The following NBAS variants were observed in gnomAD, a reference collection of about 807,000 sequenced individuals.
NBAS encodes NBAS subunit of NRZ tethering complex.
NBAS carries 219 observed loss-of-function variants against 302.5 expected under a neutral mutation model. The ratio of observed to expected loss-of-function variants is 0.72; its 90% CI spans 0.65 to 0.81. The LOEUF (loss-of-function observed/expected upper bound fraction) is 0.81, where lower values mean the gene tolerates loss of function less well. NBAS is among the 30% of genes least tolerant of loss of function. The pLI is 0.00. For synonymous variants in NBAS, 1,118 were observed against 1,021.6 expected (o/e 1.09, Z -1.80); for missense variants, 2,932 against 2,841.6 (o/e 1.03, Z -0.72).
At chr2:15,094,977 T>C in the NBAS span, among the ~76,000 whole-genome samples, 1 of 152,174 alleles carries the variant, frequency 6.6e-6, no homozygotes, top group African/African-American at 2.4e-5. Flanking sequence ...AAAAGTAACA[T>C]GTATGCCCCA....
At chr2:15,057,591 C>T in the NBAS span, among the ~76,000 whole-genome samples, 2 of 152,120 alleles carry the variant, frequency 1.3e-5, no homozygotes, top group Non-Finnish European at 2.9e-5. Context: ...CCAGCTCTTC[C>T]CCCAAGTCCC....
At chr2:15,425,124 G>A (rs549326303) in intron 22 of NBAS, among the ~76,000 whole-genome samples, 20 of 151,012 alleles carry the variant, frequency 1.3e-4, no homozygotes, top group African/African-American at 4.1e-4. Flanking sequence ...AGTTTTTAAC[G>A]AGAATGATCA....
the NBAS span, among the ~76,000 whole-genome samples, chr2:14,878,203 C>T: frequency 6.6e-6 from 1 of 152,138 alleles, no homozygotes; most frequent in Non-Finnish European, 1.5e-5. Flanking sequence ...GGCAAACAGA[C>T]TTTAAGATGA....
At chr2:15,256,455 T>G (rs1668597948) in intron 44 of NBAS, among the ~76,000 whole-genome samples, 1 of 152,202 alleles carries the variant, frequency 6.6e-6, no homozygotes, top group African/African-American at 2.4e-5. Context: ...GGATGAGTCG[T>G]TAGGGTTTTC....
Position 15,250,943 on chromosome 2 carries a change from CA to C in NBAS, c.5725-12258del, listed in dbSNP as rs1668336089. Among the ~76,000 whole-genome samples, 8 of 152,272 alleles carry C rather than the reference CA, an allele frequency of 5.3e-5. No individual in the cohort carries two copies. In the South Asian group the frequency reaches 1.7e-3, roughly 32 times the overall value. ...GAACTAGAAATACCATTTGACCCAG[CA>C]ATCCTATTATTGAATATATACCCAA... On this transcript the variant is annotated intron_variant, in intron 44 of 51. Coordinates refer to ENST00000281513, the MANE Select transcript of NBAS (RefSeq NM_015909.4).
chr2:15,034,027 G>GAAGAAGAAGAAGAAGAAGA, the NBAS span, among the ~76,000 whole-genome samples: 1,480 of 63,634 alleles, frequency 0.023, 94 homozygotes, highest in African/African-American at 0.03. Flanking sequence ...AGAAGAAGAA[G>GAAGAAGAAGAAGAAGAAGA]AGGAGGAGGA....
At chr2:14,938,316 C>A in the NBAS span, among the ~76,000 whole-genome samples, 1 of 152,202 alleles carries the variant, frequency 6.6e-6, no homozygotes, top group East Asian at 1.9e-4. Context: ...TACATACACA[C>A]ACATTATAAA....
At chr2:14,961,836 T>C in the NBAS span, among the ~76,000 whole-genome samples, 1 of 152,282 alleles carries the variant, frequency 6.6e-6, no homozygotes, top group South Asian at 2.1e-4. Flanking sequence ...TGGAGTGCAA[T>C]GGCACAATGT....
At chr2:15,166,875 C>A (rs1177708594), downstream of NBAS, 7 of 822,870 alleles carry the variant, frequency 8.5e-6, no homozygotes, top group African/African-American at 1.0e-4. Context: ...CCACTCAGTA[C>A]AAGAAAGAAA....
the NBAS span, among the ~76,000 whole-genome samples, chr2:14,899,937 A>C: frequency 6.6e-6 from 1 of 152,162 alleles, no homozygotes; most frequent in Non-Finnish European, 1.5e-5. Flanking sequence ...GCTTACAAGA[A>C]AGAGAGGGTT....
chr2:14,835,841 C>G, the NBAS span, among the ~76,000 whole-genome samples: 1 of 151,832 alleles, frequency 6.6e-6, no homozygotes, highest in Non-Finnish European at 1.5e-5. Flanking sequence ...AATGAAATTG[C>G]TAGGTTAAAA....
At chr2:14,812,244 G>A in the NBAS span, among the ~76,000 whole-genome samples, 2 of 152,144 alleles carry the variant, frequency 1.3e-5, no homozygotes, top group Admixed American at 1.3e-4. Context: ...GCATCACAGG[G>A]AGACAAGACC....
chr2:15,302,891 T>A (rs1224301081), intron 40 of NBAS, among the ~76,000 whole-genome samples: 1 of 152,194 alleles, frequency 6.6e-6, no homozygotes, highest in Admixed American at 6.5e-5. Context: ...CCAGCCTTCA[T>A]CTTTCTCCCA....
the NBAS span, among the ~76,000 whole-genome samples, chr2:14,899,843 G>C: frequency 1.3e-5 from 2 of 151,578 alleles, 1 homozygote. Flanking sequence ...CCTAAGAAAA[G>C]AAACACATCT....
At chr2:14,785,977 T>C in the NBAS span, among the ~76,000 whole-genome samples, 1 of 152,200 alleles carries the variant, frequency 6.6e-6, no homozygotes, top group South Asian at 2.1e-4. Flanking sequence ...GGTAAGCTAT[T>C]GATTATTGCC....
At chr2:14,911,304 C>A in the NBAS span, among the ~76,000 whole-genome samples, 1 of 152,150 alleles carries the variant, frequency 6.6e-6, no homozygotes, top group Non-Finnish European at 1.5e-5. Context: ...GGCTATTTGA[C>A]CTTGAACAAA....
intron 21 of NBAS, among the ~76,000 whole-genome samples, chr2:15,429,508 T>C (rs1677655602): frequency 6.6e-6 from 1 of 152,136 alleles, no homozygotes; most frequent in Non-Finnish European, 1.5e-5. Flanking sequence ...TTGGTCTTCA[T>C]GTAAAAAGTA....
chr2:15,385,830 T>C (rs896874014), intron 28 of NBAS, among the ~76,000 whole-genome samples: 8 of 152,138 alleles, frequency 5.3e-5, no homozygotes, highest in African/African-American at 1.4e-4. Context: ...TCACAGTAAA[T>C]AGATTACCAT....
At chr2:14,960,229 G>A in the NBAS span, among the ~76,000 whole-genome samples, 1 of 152,168 alleles carries the variant, frequency 6.6e-6, no homozygotes, top group Non-Finnish European at 1.5e-5. Flanking sequence ...AGTGCTCTGT[G>A]CACAGCTGTA....
Sources: allele counts gnomAD v4.1 joint callset (sites outside exome capture counted in the v4.1 genomes callset), GRCh38; gene constraint gnomAD v4.1.1; transcripts MANE v1.5; gene names NCBI Gene and HGNC (gene_info 2026-07-23, HGNC 2026-07-21).